Variants in PCDHGB6 observed in about 807,000 individuals in gnomAD.
The protein encoded by PCDHGB6 is protocadherin gamma-B6.
PCDHGB6 carries 51 observed loss-of-function variants against 59.1 expected under a neutral mutation model. That is an observed-to-expected ratio of 0.86 (90% CI 0.69 to 1.09). The LOEUF is 1.09. Among genes scored for constraint, PCDHGB6 ranks in the 50% least tolerant of loss-of-function variants. PCDHGB6 has a pLI of 0.00. For synonymous variants in PCDHGB6, 466 were observed against 495.1 expected (o/e 0.94, Z 0.78); for missense variants, 1,148 against 1,205.1 (o/e 0.95, Z 0.70).
At chr5:141,420,808 G>A (rs539942896) in intron 1 of PCDHGB6, among the ~76,000 whole-genome samples, 2 of 152,288 alleles carry the variant, frequency 1.3e-5, no homozygotes, top group Admixed American at 6.5e-5. Flanking sequence ...AATTAAGCAA[G>A]CCCTTTTAAT....
rs761350249 is a variant in PCDHGB6 at position 141,418,909 on chromosome 5, G to A, written c.2418+8289G>A. Reference sequence around the variant, plus strand: ...ACAACAGCCCAGAAATAATCATCACGTCACTCTCTGATCAGATTATGGAGG... The same window carrying A: ...ACAACAGCCCAGAAATAATCATCACATCACTCTCTGATCAGATTATGGAGG... On this transcript the variant is annotated intron_variant, in intron 1 of 3. Coordinates refer to ENST00000520790, the MANE Select transcript of PCDHGB6 (RefSeq NM_018926.3). The A allele has an allele frequency of 1.9e-6, 3 of 1,613,906 alleles. No homozygotes were observed. In the Admixed American group the frequency reaches 5.0e-5, roughly 27 times the overall value.
chr5:141,487,512 C>T lies in PCDHGB6; in HGVS notation c.2419-7295C>T, dbSNP rs372606253. The stretch of plus-strand genomic sequence containing the variant: ...TGTACACCCTTGGCTTCTGCACCCA[C>T]TCGGAGTGATAGCTTCATGATGGTG... On this transcript the variant is annotated intron_variant, in intron 1 of 3. Transcript: ENST00000520790. This position sits in a 1 kb window ranked among gnomAD's most constrained non-coding sequence, Gnocchi z 5.0. 3.7e-6 allele frequency: 6 copies of T among 1,614,082 alleles called. No homozygotes were observed. The highest frequency in any genetic ancestry group is 5.1e-6 in the Non-Finnish European group (6 of 1,180,044).
At chr5:141,500,012 A>G (rs2099795840) in intron 2 of PCDHGB6, among the ~76,000 whole-genome samples, 1 of 151,622 alleles carries the variant, frequency 6.6e-6, no homozygotes, top group Non-Finnish European at 1.5e-5. Flanking sequence ...TAAGGTCCAC[A>G]TTTTATATTT....
chr5:141,429,169 TACACACACACACACACACAC>T (rs10667977), intron 1 of PCDHGB6: 4 of 145,394 alleles, frequency 2.8e-5, no homozygotes, highest in Non-Finnish European at 6.0e-5. Flanking sequence ...ACATTGTTTA[TACACACACACACACACACAC>T]ACACACACAC....
Position 141,409,044 on chromosome 5 carries a change from T to G in PCDHGB6, c.842T>G (p.Phe281Cys), listed in dbSNP as rs2095215005. 6.2e-7 allele frequency: 1 copy of G among 1,613,762 alleles called. No individual in the cohort carries two copies. The highest frequency in any genetic ancestry group is 1.3e-5 in the African/African-American group (1 of 74,854). Residue 281 changes from phenylalanine (F) to cysteine (C), a missense_variant, in exon 1 of 4, where the codon TTC becomes TGC. Coordinates refer to ENST00000520790, the MANE Select transcript of PCDHGB6 (RefSeq NM_018926.3). ...GTCAATGCTGAGATAAACTACTACT[T>G]CCGAAGCACTGCCCAGAGCACAAAA... is the stretch of plus-strand genomic sequence containing the variant. ...EGVNAEINYY[F>C]RSTAQSTKHM...
chr5:141,410,809 G>C, intron 1 of PCDHGB6, 189 bp downstream of exon 1: 1 of 292,002 alleles, frequency 3.4e-6, no homozygotes, highest in Admixed American at 5.8e-5. Flanking sequence ...CTATCTTTTT[G>C]TAAAATAATG....
At chr5:141,450,355 C>T (rs943649682) in intron 1 of PCDHGB6, among the ~76,000 whole-genome samples, 2 of 152,090 alleles carry the variant, frequency 1.3e-5, no homozygotes, top group Non-Finnish European at 2.9e-5. Context: ...TGAAACAGTT[C>T]CTCAGCCTTG....
rs1299573831 is a variant in PCDHGB6 at position 141,500,662 on chromosome 5, T to A, written c.2478-4731T>A. 5.3e-5 allele frequency among the ~76,000 whole-genome samples: 8 copies of A among 152,352 alleles called. No homozygotes were observed. The East Asian group carries it at 1.5e-3, about 29-fold the overall frequency. ...TTTTTAAAAATAGCAACTGAGGCCA[T>A]ACTGTCCAACAGAATTATAGCTTTT... On this transcript the variant is annotated intron_variant, in intron 2 of 3. Coordinates refer to ENST00000520790, the MANE Select transcript of PCDHGB6 (RefSeq NM_018926.3).
intron 1 of PCDHGB6, among the ~76,000 whole-genome samples, chr5:141,483,203 A>T (rs940487337): frequency 1.3e-5 from 2 of 152,204 alleles, no homozygotes; most frequent in African/African-American, 2.4e-5. Flanking sequence ...ATTTTATTCC[A>T]TATAGATGAC....
chr5:141,418,013 A>C (rs769578436), intron 1 of PCDHGB6: 2 of 1,613,906 alleles, frequency 1.2e-6, no homozygotes, highest in African/African-American at 2.7e-5. Flanking sequence ...GAACCTCGCT[A>C]AGGATCTAGG....
intron 1 of PCDHGB6, chr5:141,423,398 G>C (rs767594062): frequency 6.8e-6 from 11 of 1,614,172 alleles, no homozygotes; most frequent in Non-Finnish European, 9.3e-6. Context: ...CATAAGTCAC[G>C]CCTGCTGCAG....
chr5:141,413,841 T>G, intron 1 of PCDHGB6: 1 of 1,613,060 alleles, frequency 6.2e-7, no homozygotes, highest in Non-Finnish European at 8.5e-7. Context: ...CCGACGGGGG[T>G]GACCCTCTCC....
intron 1 of PCDHGB6, chr5:141,441,894 G>T: frequency 2.9e-6 from 1 of 347,862 alleles, no homozygotes; most frequent in Non-Finnish European, 5.6e-6. Context: ...CCAAGGTGGT[G>T]GCTGTAGACG....
chr5:141,454,779 A>G (rs1387404898), intron 1 of PCDHGB6, among the ~76,000 whole-genome samples: 2 of 146,092 alleles, frequency 1.4e-5, no homozygotes, highest in African/African-American at 2.6e-5. Context: ...ACAAGGAAAT[A>G]ATCCTCCATG....
In PCDHGB6 at chr5:141,423,390, T is replaced by C. The variant is rs751337994; in HGVS notation, c.2418+12770T>C. ...TGGCACTCAGGCTGTGGCGCTGGCATAAGTCACGCCTGCTGCAGGCTTCTG... is the reference window on the plus strand; with the variant it reads ...TGGCACTCAGGCTGTGGCGCTGGCACAAGTCACGCCTGCTGCAGGCTTCTG... On this transcript the variant is annotated intron_variant, in intron 1 of 3. Coordinates refer to ENST00000520790, the MANE Select transcript of PCDHGB6 (RefSeq NM_018926.3). 2.5e-6 allele frequency: 4 copies of C among 1,614,144 alleles called. No homozygotes were observed. In the South Asian group the frequency reaches 3.3e-5, roughly 13 times the overall value.
At chr5:141,497,092 G>C (rs2099773958) in intron 2 of PCDHGB6, among the ~76,000 whole-genome samples, 1 of 152,092 alleles carries the variant, frequency 6.6e-6, no homozygotes, top group Admixed American at 6.5e-5. Flanking sequence ...AGGAGGCTGA[G>C]GCAGAACTGC....
rs1006751011 is a variant in PCDHGB6, at chr5:141,431,033, C to T, written c.2418+20413C>T. ...CTTGGTCACGGCGGGCAGGATAGAC[C>T]GGGAGGAGCTCTGTATGGGGGCCAT... On this transcript the variant is annotated intron_variant, in intron 1 of 3. Coordinates refer to ENST00000520790, the MANE Select transcript of PCDHGB6 (RefSeq NM_018926.3). This position sits in a 1 kb window ranked among gnomAD's most constrained non-coding sequence, Gnocchi z 4.8. 1.2e-6 allele frequency: 2 copies of T among 1,613,864 alleles called. No homozygotes were observed. The highest frequency in any genetic ancestry group is 1.3e-5 in the African/African-American group (1 of 74,924).
chr5:141,431,767 T>G lies in PCDHGB6; in HGVS notation c.2418+21147T>G, dbSNP rs1397063213. On this transcript the variant is annotated intron_variant, in intron 1 of 3. Coordinates refer to ENST00000520790, the MANE Select transcript of PCDHGB6 (RefSeq NM_018926.3). The surrounding 1 kb of genome is among the most constrained non-coding windows in gnomAD (Gnocchi z 4.8). ...CTGCGCGAGCCAAAGTCCTGATCAC[T>G]GTTCTGGACGTGAACGACAATGCCC... The G allele has an allele frequency of 6.2e-7, 1 of 1,614,224 alleles. No individual in the cohort carries two copies.
chr5:141,410,393 C>G lies in PCDHGB6; in HGVS notation c.2191C>G (p.Leu731Val). The change falls in exon 1 of 4, where the codon CTC becomes GTC. Residue 731 changes from leucine to valine, a missense_variant. By Grantham distance (32) the Leu-to-Val change is conservative (BLOSUM62 1). Coordinates refer to ENST00000520790, the MANE Select transcript of PCDHGB6 (RefSeq NM_018926.3). ...TACTTGGGACTGCTTCCATCCTGGT[C>G]TCTGTGTCAAGTCTGGACCTGTAGT... is the stretch of plus-strand genomic sequence containing the variant. ...PATWDCFHPG[L>V]CVKSGPVVPP... 3 of 1,614,046 alleles carry G rather than the reference C, an allele frequency of 1.9e-6. No individual in the cohort carries two copies. Among genetic ancestry groups the G allele is most frequent in the Non-Finnish European group, 2.5e-6 (3 of 1,179,898 alleles).
Sources: gnomAD v4.1 joint callset for allele counts (sites outside exome capture counted in the v4.1 genomes callset) on GRCh38, gnomAD v4.1.1 for gene constraint, Gnocchi (gnomAD v3.1) non-coding constraint, MANE v1.5 for transcripts, NCBI Gene and HGNC (gene_info 2026-07-23, HGNC 2026-07-21) for gene names.